The following RAI14 variants were observed in gnomAD, a reference collection of about 807,000 sequenced individuals.
RAI14 encodes the protein ankycorbin.
Under a neutral mutation model 115.4 loss-of-function variants are expected in RAI14, and 45 were observed. The ratio of observed to expected loss-of-function variants is 0.39; its 90% confidence interval spans 0.31 to 0.50. The LOEUF (loss-of-function observed/expected upper bound fraction) is 0.50. Among genes scored for constraint, RAI14 ranks in the 20% least tolerant of loss-of-function variants. RAI14 has a pLI of 0.85. For missense variants in RAI14, 939 were observed against 1,131.2 expected (o/e 0.83, Z 2.44); for synonymous variants, 371 against 415.4 (o/e 0.89, Z 1.30).
intron 2 of RAI14, among the ~76,000 whole-genome samples, chr5:34,695,428 T>C (rs1739109522): frequency 6.6e-6 from 1 of 152,208 alleles, no homozygotes; most frequent in Non-Finnish European, 1.5e-5. Context: ...CCAGCCTTTC[T>C]CTGGCGTCCT....
chr5:34,739,597 G>A (rs1437585559), intron 2 of RAI14, among the ~76,000 whole-genome samples: 1 of 152,174 alleles, frequency 6.6e-6, no homozygotes, highest in African/African-American at 2.4e-5. Flanking sequence ...AAAAGGAAAA[G>A]TTGTGAAAGC....
chr5:34,758,143 G>A (rs1748140037), intron 3 of RAI14, among the ~76,000 whole-genome samples: 2 of 152,206 alleles, frequency 1.3e-5, no homozygotes, highest in South Asian at 4.1e-4. Context: ...GTGTTGTGGA[G>A]AGAGCACTGA....
chr5:34,707,194 C>T (rs367666563), intron 2 of RAI14, among the ~76,000 whole-genome samples: 15 of 152,184 alleles, frequency 9.9e-5, no homozygotes, highest in East Asian at 5.8e-4. Flanking sequence ...TGGCTGGGCA[C>T]GGTGGCTCAC....
intron 3 of RAI14, among the ~76,000 whole-genome samples, chr5:34,766,678 C>T (rs1749419939): frequency 6.6e-6 from 1 of 152,100 alleles, no homozygotes; most frequent in South Asian, 2.1e-4. Context: ...TGGGTTAATG[C>T]TGAAATGAGT....
At chr5:34,718,818 G>C (rs1043739352) in intron 2 of RAI14, among the ~76,000 whole-genome samples, 29 of 152,210 alleles carry the variant, frequency 1.9e-4, no homozygotes. Context: ...TGGAGGAATT[G>C]AAGTTTTGTT....
chr5:34,829,851 A>T, intron 17 of RAI14, 54 bp downstream of exon 17: 1 of 1,380,808 alleles, frequency 7.2e-7, no homozygotes. Context: ...ACGGCAGCAG[A>T]TGTTGACAGA....
intron 2 of RAI14, among the ~76,000 whole-genome samples, chr5:34,705,901 C>A (rs1048191026): frequency 2.0e-5 from 3 of 152,230 alleles, no homozygotes; most frequent in Admixed American, 1.3e-4. Context: ...CCCACCTTGG[C>A]CTCCCAAAGT....
intron 1 of RAI14, among the ~76,000 whole-genome samples, chr5:34,662,525 C>T (rs558534030): frequency 1.1e-4 from 16 of 151,954 alleles, no homozygotes; most frequent in East Asian, 3.9e-4. Context: ...ATTAGGTATA[C>T]GATACTGATG....
intron 15 of RAI14, among the ~76,000 whole-genome samples, chr5:34,825,690 G>C (rs1353877514): frequency 6.6e-6 from 1 of 151,890 alleles, no homozygotes; most frequent in Non-Finnish European, 1.5e-5. Flanking sequence ...GGAAGCAAAG[G>C]GGAAGTTCAG....
chr5:34,730,496 C>G (rs981877376), intron 2 of RAI14, among the ~76,000 whole-genome samples: 1 of 151,638 alleles, frequency 6.6e-6, no homozygotes, highest in African/African-American at 2.4e-5. Context: ...GTCAACATGG[C>G]GAAACCCCGT....
At chr5:34,758,318 AGGCTCT>A (rs1458622287) in intron 3 of RAI14, among the ~76,000 whole-genome samples, 1 of 152,198 alleles carries the variant, frequency 6.6e-6, no homozygotes, top group African/African-American at 2.4e-5. Context: ...CCTCAGAAGC[AGGCTCT>A]GAGACAAGGA....
chr5:34,714,541 G>C (rs2149975137), intron 2 of RAI14, among the ~76,000 whole-genome samples: 1 of 152,216 alleles, frequency 6.6e-6, no homozygotes, highest in South Asian at 2.1e-4. Context: ...TTGATCATTT[G>C]CCAATATAAG....
intron 2 of RAI14, among the ~76,000 whole-genome samples, chr5:34,750,052 A>C (rs898694522): frequency 3.3e-5 from 5 of 152,190 alleles, no homozygotes; most frequent in African/African-American, 4.8e-5. Flanking sequence ...GTCAAGAAGG[A>C]ACAGTGCAGC....
intron 3 of RAI14, among the ~76,000 whole-genome samples, chr5:34,779,366 T>C (rs1291003744): frequency 2.6e-5 from 4 of 152,208 alleles, no homozygotes; most frequent in Non-Finnish European, 5.9e-5. Context: ...TTGGAAGTTC[T>C]GGCCAGGGCA....
At chr5:34,743,753 T>C (rs964058979) in intron 2 of RAI14, among the ~76,000 whole-genome samples, 1 of 152,222 alleles carries the variant, frequency 6.6e-6, no homozygotes, top group African/African-American at 2.4e-5. Context: ...TCATAGAAGA[T>C]CCCTTCTTTC....
chr5:34,807,510 T>TTC (rs937362866), intron 5 of RAI14, among the ~76,000 whole-genome samples: 2 of 151,764 alleles, frequency 1.3e-5, no homozygotes, highest in African/African-American at 4.8e-5. Context: ...AAGAAAGGAT[T>TTC]AAGATGAGAG....
At chr5:34,668,443 T>G (rs1743383114) in intron 1 of RAI14, among the ~76,000 whole-genome samples, 1 of 151,986 alleles carries the variant, frequency 6.6e-6, no homozygotes, top group Non-Finnish European at 1.5e-5. Context: ...TGTCCTTTAT[T>G]TAACATGTTA....
intron 16 of RAI14, among the ~76,000 whole-genome samples, chr5:34,829,453 G>A (rs983361434): frequency 2.0e-5 from 3 of 152,076 alleles, no homozygotes; most frequent in African/African-American, 7.2e-5. Context: ...CGCCCAAAGA[G>A]CATATATTTT....
intron 2 of RAI14, among the ~76,000 whole-genome samples, chr5:34,722,244 G>A (rs1195006917): frequency 1.3e-5 from 2 of 148,806 alleles, no homozygotes; most frequent in Non-Finnish European, 1.5e-5. Context: ...GGCCTTTAGG[G>A]TGGGCCCTAA....
Sources: allele counts gnomAD v4.1 joint callset (sites outside exome capture counted in the v4.1 genomes callset), GRCh38; gene constraint gnomAD v4.1.1; transcripts MANE v1.5; gene names NCBI Gene and HGNC (gene_info 2026-07-23, HGNC 2026-07-21).